MVB12B: variants seen among roughly 807,000 people sequenced by gnomAD.
The protein encoded by MVB12B is ESCRT-I complex subunit MVB12B.
A neutral mutation model predicts 41.6 loss-of-function variants in MVB12B; 16 were observed. The ratio of observed to expected loss-of-function variants is 0.38; its 90% CI spans 0.26 to 0.58. The LOEUF (loss-of-function observed/expected upper bound fraction) is 0.58. MVB12B is among the 20% of genes least tolerant of loss of function. The pLI is 0.62. For synonymous variants in MVB12B, 133 were observed against 139.7 expected, an observed-to-expected ratio of 0.95 and a Z score of 0.34; for missense variants, 274 against 380.2, an observed-to-expected ratio of 0.72 and a Z score of 2.32.
chr9:126,452,444 G>A (rs1462965843), intron 7 of MVB12B, among the ~76,000 whole-genome samples: 1 of 152,218 alleles, frequency 6.6e-6, no homozygotes, highest in East Asian at 1.9e-4. Flanking sequence ...GGTTGCCTGG[G>A]AGCTGGGGAA....
chr9:126,498,481 C>A (rs1295774581), intron 9 of MVB12B, among the ~76,000 whole-genome samples: 1 of 152,242 alleles, frequency 6.6e-6, no homozygotes, highest in Non-Finnish European at 1.5e-5. Context: ...CTCTGGACTA[C>A]ACCATTCCTG....
chr9:126,363,085 G>T (rs1315221124), intron 2 of MVB12B, among the ~76,000 whole-genome samples: 1 of 152,030 alleles, frequency 6.6e-6, no homozygotes. Flanking sequence ...TACTCAGGAG[G>T]CTGAGGCAGG....
intron 7 of MVB12B, among the ~76,000 whole-genome samples, chr9:126,455,894 T>C (rs2119168201): frequency 6.9e-6 from 1 of 145,900 alleles, no homozygotes; most frequent in East Asian, 2.0e-4. Flanking sequence ...TTTCTTTTTT[T>C]TTTTTTTTTT....
chr9:126,409,754 C>T (rs981600604), intron 6 of MVB12B, among the ~76,000 whole-genome samples: 18 of 152,308 alleles, frequency 1.2e-4, no homozygotes, highest in East Asian at 1.2e-3. Context: ...AGGTGAGCAG[C>T]TGGGAAGGGG....
At chr9:126,481,492 T>G in intron 8 of MVB12B, 68 bp downstream of exon 8, 2 of 1,179,234 alleles carry the variant, frequency 1.7e-6, no homozygotes, top group Non-Finnish European at 2.6e-6. Context: ...CATCCTGATT[T>G]ACACAGCACG....
chr9:126,463,120 G>A (rs1023493955), intron 7 of MVB12B, among the ~76,000 whole-genome samples: 1 of 152,196 alleles, frequency 6.6e-6, no homozygotes, highest in Non-Finnish European at 1.5e-5. Flanking sequence ...GGGCCAGTGG[G>A]TGTGGTGTGT....
Position 126,376,632 on chromosome 9 carries a change from A to G in MVB12B, c.205-4432A>G, listed in dbSNP as rs566327498. 24 of 1,289,174 alleles carry G rather than the reference A, an allele frequency of 1.9e-5. No homozygotes were observed. The Admixed American group carries it at 5.5e-4, about 30-fold the overall frequency. The allele number at this position is 1,289,174 out of a possible 1,614,324, so 79.9% of individuals were successfully genotyped here. Reference sequence around the variant, plus strand: ...GCGGCTGGAAGCAAGAAGGAGGGTAAGCGCGGGTGGCAGGGAGGGGCCTGC... The same window carrying G: ...GCGGCTGGAAGCAAGAAGGAGGGTAGGCGCGGGTGGCAGGGAGGGGCCTGC... On this transcript the variant is annotated intron_variant, in intron 2 of 9. Transcript: ENST00000361171. This position sits in a 1 kb window ranked among gnomAD's most constrained non-coding sequence, Gnocchi z 4.1.
chr9:126,346,557 G>A (rs1437372942), intron 2 of MVB12B, among the ~76,000 whole-genome samples: 1 of 152,030 alleles, frequency 6.6e-6, no homozygotes, highest in Non-Finnish European at 1.5e-5. Flanking sequence ...GACATCTAGC[G>A]GAGCCCTGGG....
Position 126,503,589 on chromosome 9 carries a change from G to A in MVB12B, c.*326G>A, listed in dbSNP as rs149180938. 0.019 allele frequency: 7,047 copies of A among 378,628 alleles called. 146 individuals carry two copies. Among genetic ancestry groups the A allele is most frequent in the Non-Finnish European group, 0.021 (4,440 of 208,424 alleles). The allele number at this position is 378,628 out of a possible 1,614,324, so 23.5% of individuals were successfully genotyped here. On this transcript the variant is annotated 3_prime_UTR_variant, in exon 10 of 10. Coordinates refer to ENST00000361171, the MANE Select transcript of MVB12B (RefSeq NM_033446.3). ...GGAGTCACCCTGAGGGCCCCGGGCAGTTGCCCTGGCCGCCCAGTGACGCCC... is the reference window on the plus strand; with the variant it reads ...GGAGTCACCCTGAGGGCCCCGGGCAATTGCCCTGGCCGCCCAGTGACGCCC...
chr9:126,384,051 A>C (rs1830704610), intron 3 of MVB12B, among the ~76,000 whole-genome samples: 1 of 151,918 alleles, frequency 6.6e-6, no homozygotes, highest in Non-Finnish European at 1.5e-5. Flanking sequence ...CCTAGTTGTT[A>C]ATTTCTCAAT....
Position 126,395,941 on chromosome 9 carries a change from T to C in MVB12B, c.662+244T>C. 2.3e-6 allele frequency: 3 copies of C among 1,315,754 alleles called. No homozygotes were observed. The highest frequency in any genetic ancestry group is 2.9e-6 in the Non-Finnish European group (3 of 1,033,132). 81.5% of individuals were successfully genotyped at this position (1,315,754 alleles called of 1,614,324 possible). ...TGCAGGCTTCTAAAATTGCAGATTA[T>C]GCAACTTAAAATTGGCTCCCTATTC... On this transcript the variant is annotated intron_variant, in intron 6 of 9. Coordinates refer to ENST00000361171, the MANE Select transcript of MVB12B (RefSeq NM_033446.3). This position sits in a 1 kb window ranked among gnomAD's most constrained non-coding sequence, Gnocchi z 4.9.
chr9:126,446,908 T>G (rs554151092), intron 7 of MVB12B, among the ~76,000 whole-genome samples: 11 of 127,870 alleles, frequency 8.6e-5, no homozygotes, highest in Admixed American at 1.7e-4. Flanking sequence ...TAATAAATTT[T>G]TATCTGTATT....
chr9:126,417,369 A>G (rs1408264743), intron 6 of MVB12B, among the ~76,000 whole-genome samples: 1 of 152,240 alleles, frequency 6.6e-6, no homozygotes. Context: ...TCTATCATAT[A>G]TGAACAGAAA....
At position 126,478,867 on chromosome 9, in the gene MVB12B, G is replaced by C. The variant is rs573574032; in HGVS notation, c.758-2502G>C. On this transcript the variant is annotated intron_variant, in intron 7 of 9. Transcript: ENST00000361171. This position sits in a 1 kb window ranked among gnomAD's most constrained non-coding sequence, Gnocchi z 4.2. ...CTAGACATACAGTGACATGTAGATAGAAACAACTGTCACCAGTGAGAGGCA... is the reference window on the plus strand; with the variant it reads ...CTAGACATACAGTGACATGTAGATACAAACAACTGTCACCAGTGAGAGGCA... 1.8e-4 allele frequency among the ~76,000 whole-genome samples: 28 copies of C among 152,316 alleles called. No individual in the cohort carries two copies. The highest frequency in any genetic ancestry group is 6.3e-4 in the African/African-American group (26 of 41,560).
At chr9:126,487,048 C>T (rs1262803139) in intron 9 of MVB12B, among the ~76,000 whole-genome samples, 7 of 152,204 alleles carry the variant, frequency 4.6e-5, no homozygotes, top group East Asian at 1.9e-4. Flanking sequence ...CAATGTCGGG[C>T]GCTCCGAGTC....
Position 126,337,565 on chromosome 9 carries a change from T to C in MVB12B, c.82-2943T>C, listed in dbSNP as rs565316162. ...ATTGGTGCCTCTCTGCCTAGTACAA[T>C]AGAAAACAGACCAGACCTAGGGAGG... On this transcript the variant is annotated intron_variant, in intron 1 of 9. Transcript: ENST00000361171. Among the ~76,000 whole-genome samples, 7 of 152,244 alleles carry C rather than the reference T, an allele frequency of 4.6e-5. No homozygotes were observed. In the South Asian group the frequency reaches 1.2e-3, roughly 27 times the overall value.
chr9:126,339,644 T>C (rs1015874422), intron 1 of MVB12B, among the ~76,000 whole-genome samples: 2 of 152,170 alleles, frequency 1.3e-5, no homozygotes, highest in African/African-American at 4.8e-5. Flanking sequence ...GTATTTGGCT[T>C]TGAGTAAGTG....
chr9:126,482,587 G>A (rs1833546028), intron 8 of MVB12B, among the ~76,000 whole-genome samples: 3 of 151,922 alleles, frequency 2.0e-5, no homozygotes, highest in African/African-American at 4.9e-5. Context: ...AGCTCCAGTT[G>A]GGAGAATTTA....
intron 2 of MVB12B, among the ~76,000 whole-genome samples, chr9:126,370,914 C>T (rs1041633507): frequency 4.6e-5 from 7 of 152,118 alleles, no homozygotes; most frequent in Non-Finnish European, 8.8e-5. Flanking sequence ...TAATAATTCT[C>T]TCTATTTAAA....
Sources: gnomAD v4.1 joint callset for allele counts (sites outside exome capture counted in the v4.1 genomes callset) on GRCh38, gnomAD v4.1.1 for gene constraint, Gnocchi (gnomAD v3.1) non-coding constraint, MANE v1.5 for transcripts, NCBI Gene and HGNC (gene_info 2026-07-23, HGNC 2026-07-21) for gene names.